Variants in MAPT observed in about 807,000 individuals in gnomAD.
The protein encoded by MAPT is microtubule associated protein tau, also known as microtubule-associated protein tau.
MAPT carries 34 observed loss-of-function variants against 67.9 expected under a neutral mutation model. The ratio of observed to expected loss-of-function variants is 0.50; its 90% CI spans 0.38 to 0.67. MAPT has a LOEUF of 0.67. MAPT is among the 30% of genes least tolerant of loss of function. MAPT has a pLI of 0.00. For synonymous variants in MAPT, 456 were observed against 464.5 expected (o/e 0.98, Z 0.23); for missense variants, 881 against 1,115.2 (o/e 0.79, Z 2.99).
rs186817214 is a variant in MAPT at position 45,899,129 on chromosome 17, G to T, written c.-18+4443G>T. Reference sequence around the variant, plus strand: ...GAGAGGAGTCCTCATGTTCCAGCAGGGACTCTCAGCTGTTTTCCTGTAAAA... The same window carrying T: ...GAGAGGAGTCCTCATGTTCCAGCAGTGACTCTCAGCTGTTTTCCTGTAAAA... On this transcript the variant is annotated intron_variant, in intron 1 of 12. Coordinates refer to ENST00000262410, the MANE Select transcript of MAPT (RefSeq NM_001377265.1). Among the ~76,000 whole-genome samples the T allele has an allele frequency of 7.2e-5, 11 of 152,250 alleles. No individual in the cohort carries two copies. In the East Asian group the frequency reaches 2.1e-3, roughly 29 times the overall value.
intron 1 of MAPT, among the ~76,000 whole-genome samples, chr17:45,946,615 A>AATATATATAT (rs1177094945): frequency 3.0e-5 from 3 of 100,400 alleles, no homozygotes; most frequent in African/African-American, 1.3e-4. Flanking sequence ...AAAAAAAAAA[A>AATATATATAT]ATATATATAT....
chr17:46,022,150 T>C (rs1329632569), intron 12 of MAPT, among the ~76,000 whole-genome samples: 1 of 151,120 alleles, frequency 6.6e-6, no homozygotes, highest in Non-Finnish European at 1.5e-5. Flanking sequence ...AAATCAGGAG[T>C]TCAAGACCAA....
chr17:45,963,661 G>A (rs931690217), intron 2 of MAPT, among the ~76,000 whole-genome samples: 3 of 152,134 alleles, frequency 2.0e-5, no homozygotes, highest in African/African-American at 7.2e-5. Context: ...CCAGGGTATG[G>A]GTAGTGCATG....
At chr17:45,911,776 A>AACAAC (rs1447668277) in intron 1 of MAPT, among the ~76,000 whole-genome samples, 3 of 141,200 alleles carry the variant, frequency 2.1e-5, no homozygotes, top group African/African-American at 7.4e-5. Flanking sequence ...AAAAACAAAC[A>AACAAC]AACAACAAAA....
At chr17:46,004,109 T>C (rs2075240559) in intron 9 of MAPT, among the ~76,000 whole-genome samples, 1 of 152,040 alleles carries the variant, frequency 6.6e-6, no homozygotes, top group Admixed American at 6.6e-5. Flanking sequence ...CTGAGCCTGG[T>C]GAGGCAAAGC....
At position 45,971,339 on chromosome 17, in the gene MAPT, T is replaced by C. The variant is rs2071639157; in HGVS notation, c.134-520T>C. Reference sequence around the variant, plus strand: ...GCTTGTCCATCAGTCCTTGGAGGTCTTTCTATGAAAGGAGCTTGGTGGCGT... The same window carrying C: ...GCTTGTCCATCAGTCCTTGGAGGTCCTTCTATGAAAGGAGCTTGGTGGCGT... On this transcript the variant is annotated intron_variant, in intron 2 of 12. Coordinates refer to ENST00000262410, the MANE Select transcript of MAPT (RefSeq NM_001377265.1). This position sits in a 1 kb window ranked among gnomAD's most constrained non-coding sequence, Gnocchi z 4.3. 1.3e-5 allele frequency among the ~76,000 whole-genome samples: 2 copies of C among 152,176 alleles called. No individual in the cohort carries two copies. Among genetic ancestry groups the C allele is most frequent in the African/African-American group, 4.8e-5 (2 of 41,448 alleles).
intron 11 of MAPT, among the ~76,000 whole-genome samples, chr17:46,017,523 G>A (rs1018796772): frequency 7.4e-6 from 1 of 136,014 alleles, no homozygotes; most frequent in African/African-American, 2.8e-5. Context: ...GCACAATCTC[G>A]GCTCACTGCA....
At chr17:45,918,192 G>T (rs1206385014) in intron 1 of MAPT, among the ~76,000 whole-genome samples, 1 of 152,158 alleles carries the variant, frequency 6.6e-6, no homozygotes, top group Admixed American at 6.5e-5. Flanking sequence ...CTTGTCATTG[G>T]TCATCTCTCC....
intron 1 of MAPT, among the ~76,000 whole-genome samples, chr17:45,946,550 G>A (rs553244407): frequency 7.0e-6 from 1 of 142,142 alleles, no homozygotes; most frequent in African/African-American, 2.7e-5. Flanking sequence ...AGTGAGCCGA[G>A]ATGGCACCAC....
At chr17:45,999,767 T>C in intron 9 of MAPT, 2 of 1,033,574 alleles carry the variant, frequency 1.9e-6, no homozygotes, top group Non-Finnish European at 2.8e-6. Context: ...GTGACTTGAC[T>C]TTTCTTGAGA....
chr17:46,005,282 C>CA (rs897375318), intron 9 of MAPT, among the ~76,000 whole-genome samples: 1 of 152,150 alleles, frequency 6.6e-6, no homozygotes, highest in Non-Finnish European at 1.5e-5. Context: ...CCAGGAAGCT[C>CA]AAAGTTAAAT....
chr17:45,999,641 G>A (rs775985856), intron 9 of MAPT: 9 of 1,608,488 alleles, frequency 5.6e-6, no homozygotes, highest in African/African-American at 5.3e-5. Flanking sequence ...AGGGGTGAGA[G>A]TCAGGCGACC....
At chr17:45,947,976 T>C (rs2145058776) in intron 1 of MAPT, among the ~76,000 whole-genome samples, 1 of 151,750 alleles carries the variant, frequency 6.6e-6, no homozygotes, top group African/African-American at 2.4e-5. Context: ...TAGTTAACCA[T>C]TTAATGACTA....
chr17:45,896,178 G>C lies in MAPT; in HGVS notation c.-18+1492G>C, dbSNP rs2063201681. Reference sequence around the variant, plus strand: ...CCCCGACCCCCGGCACGCATGGAACGGGCGTGACCGCGCGCAGCCTCGTCT... The same window carrying C: ...CCCCGACCCCCGGCACGCATGGAACCGGCGTGACCGCGCGCAGCCTCGTCT... On this transcript the variant is annotated intron_variant, in intron 1 of 12. Transcript: ENST00000262410. The surrounding 1 kb of genome is among the most constrained non-coding windows in gnomAD (Gnocchi z 5.6). 1 of 152,020 alleles carries C rather than the reference G, an allele frequency of 6.6e-6. No individual in the cohort carries two copies. The highest frequency in any genetic ancestry group is 1.5e-5 in the Non-Finnish European group (1 of 68,044). 9.4% of individuals were successfully genotyped at this position (152,020 alleles called of 1,614,324 possible). A position where few individuals can be genotyped will look rare whatever the true frequency, so the allele number is the denominator to read the frequency against.
chr17:45,905,990 G>A (rs1314205906), intron 1 of MAPT, among the ~76,000 whole-genome samples: 4 of 152,216 alleles, frequency 2.6e-5, no homozygotes, highest in African/African-American at 9.6e-5. Flanking sequence ...CTTAGCGTCA[G>A]TCAGACGGTG....
rs967798199 is a variant in MAPT at position 45,995,514 on chromosome 17, A to G, written c.1733-885A>G. On this transcript the variant is annotated intron_variant, in intron 8 of 12. Coordinates refer to ENST00000262410, the MANE Select transcript of MAPT (RefSeq NM_001377265.1). This position sits in a 1 kb window ranked among gnomAD's most constrained non-coding sequence, Gnocchi z 4.3. The stretch of plus-strand genomic sequence containing the variant: ...ACAGACCCATGAGATAGAATACCAG[A>G]CTGTTGAAGTGTAACGGGGGCCTGG... Among the ~76,000 whole-genome samples the G allele has an allele frequency of 2.0e-5, 3 of 152,132 alleles. No individual in the cohort carries two copies. Among genetic ancestry groups the G allele is most frequent in the Non-Finnish European group, 4.4e-5 (3 of 68,020 alleles).
intron 1 of MAPT, among the ~76,000 whole-genome samples, chr17:45,914,455 T>C (rs1351829204): frequency 6.6e-6 from 1 of 152,214 alleles, no homozygotes; most frequent in African/African-American, 2.4e-5. Context: ...GAGCGGTCCG[T>C]CTGCACTGCT....
At chr17:45,989,799 G>A (rs527346340) in intron 6 of MAPT, 79 bp from the exon 7 acceptor site, 1 of 1,299,268 alleles carries the variant, frequency 7.7e-7, no homozygotes, top group Admixed American at 1.7e-5. Flanking sequence ...TTTATTTTTA[G>A]TTACTGTCCT....
intron 1 of MAPT, among the ~76,000 whole-genome samples, chr17:45,956,270 AC>A (rs2069640952): frequency 6.6e-6 from 1 of 152,032 alleles, no homozygotes; most frequent in Admixed American, 6.6e-5. Flanking sequence ...AGGGAAGAGA[AC>A]TTTCCTCACT....
Sources: allele counts gnomAD v4.1 joint callset (sites outside exome capture counted in the v4.1 genomes callset), GRCh38; gene constraint gnomAD v4.1.1; non-coding constraint Gnocchi (gnomAD v3.1); transcripts MANE v1.5; gene names NCBI Gene and HGNC (gene_info 2026-07-23, HGNC 2026-07-21).